Variants in SBF2 observed in about 807,000 individuals in gnomAD.
The protein encoded by SBF2 is myotubularin-related protein 13.
A neutral mutation model predicts 225.2 loss-of-function variants in SBF2; 112 were observed. That is an observed-to-expected ratio of 0.50 (90% CI 0.43 to 0.58). The LOEUF (loss-of-function observed/expected upper bound fraction) is 0.58. Among genes scored for constraint, SBF2 ranks in the 20% least tolerant of loss-of-function variants. SBF2 has a pLI of 0.00. For synonymous variants in SBF2, 763 were observed against 773.3 expected, an observed-to-expected ratio of 0.99 and a Z score of 0.22; for missense variants, 1,996 against 2,206.2, an observed-to-expected ratio of 0.90 and a Z score of 1.91.
intron 32 of SBF2, among the ~76,000 whole-genome samples, chr11:9,799,263 A>G (rs1853338331): frequency 6.6e-6 from 1 of 152,178 alleles, no homozygotes; most frequent in South Asian, 2.1e-4. Flanking sequence ...TGGCCTCACC[A>G]CAAGCCCTCT....
chr11:10,301,807 A>G (rs73420937), intron 1 of SBF2, among the ~76,000 whole-genome samples: 53 of 152,320 alleles, frequency 3.5e-4, no homozygotes, highest in African/African-American at 1.1e-3. Flanking sequence ...AAATCATTCA[A>G]TTGGAATGTG....
intron 2 of SBF2, among the ~76,000 whole-genome samples, chr11:10,118,978 T>C (rs954043796): frequency 3.3e-5 from 5 of 150,484 alleles, no homozygotes; most frequent in African/African-American, 4.9e-5. Flanking sequence ...TAAAGTCACA[T>C]CTGCAGGAAA....
At chr11:9,806,767 T>C (rs1853876279) in intron 32 of SBF2, among the ~76,000 whole-genome samples, 1 of 152,220 alleles carries the variant, frequency 6.6e-6, no homozygotes, top group South Asian at 2.1e-4. Flanking sequence ...GGAAAGTCAC[T>C]GCTCATGAGT....
intron 21 of SBF2, 101 bp from the exon 22 acceptor site, chr11:9,850,319 A>C (rs1246047599): frequency 1.9e-6 from 2 of 1,076,612 alleles, no homozygotes; most frequent in African/African-American, 3.1e-5. Flanking sequence ...ACAGTAGTGC[A>C]ATCATAGTTC....
intron 26 of SBF2, chr11:9,839,239 C>G: frequency 2.1e-6 from 1 of 474,498 alleles, no homozygotes; most frequent in East Asian, 4.2e-5. Flanking sequence ...AGAAAAGAAG[C>G]AAACTGGGAA....
chr11:10,223,386 C>A (rs1291716209), intron 1 of SBF2, among the ~76,000 whole-genome samples: 2 of 116,676 alleles, frequency 1.7e-5, no homozygotes, highest in Non-Finnish European at 3.5e-5. Context: ...ATAAACAACA[C>A]ATATTTTGCA....
rs912377782 is a variant in SBF2 at position 10,239,669 on chromosome 11, A to T, written c.56-45682T>A. On this transcript the variant is annotated intron_variant, in intron 1 of 39. Coordinates refer to ENST00000256190, the MANE Select transcript of SBF2 (RefSeq NM_030962.4). ...CATTTTGAAAAACTGCACATAAAATAAAAATACCAACTAATGATCATTAAT... is the reference window on the plus strand; with the variant it reads ...CATTTTGAAAAACTGCACATAAAATTAAAATACCAACTAATGATCATTAAT... 5.0e-5 allele frequency among the ~76,000 whole-genome samples: 7 copies of T among 139,802 alleles called. 1 individual carries two copies. The highest frequency in any genetic ancestry group is 9.8e-5 in the Non-Finnish European group (6 of 61,078). 91.7% of individuals were successfully genotyped at this position (139,802 alleles called of 152,430 possible).
chr11:9,907,136 AC>A (rs1331721652), intron 16 of SBF2, among the ~76,000 whole-genome samples: 1 of 152,204 alleles, frequency 6.6e-6, no homozygotes, highest in Non-Finnish European at 1.5e-5. Context: ...CTACATAAGG[AC>A]AAAAATTAAA....
chr11:9,929,182 A>C, intron 16 of SBF2: 1 of 199,612 alleles, frequency 5.0e-6, no homozygotes, highest in Non-Finnish European at 1.0e-5. Flanking sequence ...ACCATTGACC[A>C]TTCTATGGTC....
chr11:10,277,921 T>A (rs1459375702), intron 1 of SBF2, among the ~76,000 whole-genome samples: 2 of 152,212 alleles, frequency 1.3e-5, no homozygotes, highest in African/African-American at 4.8e-5. Context: ...GAGAATGGTG[T>A]TTGTTTTAAA....
At position 10,042,929 on chromosome 11, in the gene SBF2, A is replaced by AAC. The variant is rs1949709115; in HGVS notation, c.192_193dup (p.Phe65CysfsTer7). 3.1e-6 allele frequency: 5 copies of AAC among 1,614,046 alleles called. No homozygotes were observed. Among genetic ancestry groups the AAC allele is most frequent in the Non-Finnish European group, 3.4e-6 (4 of 1,179,922 alleles). Reference sequence around the variant, plus strand: ...AATGTCTGTCAGGACAACCACAAAGAACGTTGGCTGCTTCCTCTCTCTGGA... The same window carrying AAC: ...AATGTCTGTCAGGACAACCACAAAGAACACGTTGGCTGCTTCCTCTCTCTGGA... On this transcript the variant is annotated frameshift_variant, in exon 3 of 40. Coordinates refer to ENST00000256190, the MANE Select transcript of SBF2 (RefSeq NM_030962.4). LOFTEE classifies it high-confidence loss of function.
At chr11:10,254,900 CAAAAAAAAAAAAAAAAAAAAAAAAAA>C (rs71034757) in intron 1 of SBF2, among the ~76,000 whole-genome samples, 4 of 44,056 alleles carry the variant, frequency 9.1e-5, no homozygotes, top group African/African-American at 3.8e-4. Flanking sequence ...GACTCTGTCT[CAAAAAAAAAAAAAAAAAAAAAAAAAA>C]AAAAAAAAAA....
chr11:9,852,202 G>A (rs1857007674), intron 21 of SBF2, among the ~76,000 whole-genome samples: 1 of 152,226 alleles, frequency 6.6e-6, no homozygotes, highest in Non-Finnish European at 1.5e-5. Context: ...TCCCAGACAT[G>A]TTCTGGGGTA....
chr11:9,827,995 T>C (rs1590169663), intron 28 of SBF2: 9 of 432,894 alleles, frequency 2.1e-5, no homozygotes, highest in South Asian at 1.8e-4. Flanking sequence ...CATTTGACCA[T>C]TCATTCAGAA....
At chr11:10,268,936 T>C (rs1962237562) in intron 1 of SBF2, among the ~76,000 whole-genome samples, 2 of 152,182 alleles carry the variant, frequency 1.3e-5, no homozygotes, top group African/African-American at 4.8e-5. Context: ...ACCAGCCCCT[T>C]AGCATCTTCG....
intron 17 of SBF2, among the ~76,000 whole-genome samples, chr11:9,880,101 AAAAAAAAAAAG>A (rs750751048): frequency 0.088 from 13,041 of 148,838 alleles, 654 homozygotes; most frequent in East Asian, 0.18. Flanking sequence ...AAAAAAAAAA[AAAAAAAAAAAG>A]ATCTCAGGAT....
At chr11:10,033,555 T>C (rs181521490) in intron 3 of SBF2, among the ~76,000 whole-genome samples, 1 of 152,232 alleles carries the variant, frequency 6.6e-6, no homozygotes, top group African/African-American at 2.4e-5. Flanking sequence ...AATCCTAAAA[T>C]ATTCTTAGTT....
At chr11:9,874,366 C>T (rs995573150) in intron 17 of SBF2, among the ~76,000 whole-genome samples, 2 of 152,070 alleles carry the variant, frequency 1.3e-5, no homozygotes, top group Non-Finnish European at 2.9e-5. Context: ...TCCTTAGTTT[C>T]TATCTACTCA....
intron 32 of SBF2, among the ~76,000 whole-genome samples, chr11:9,801,117 T>A (rs1853468214): frequency 6.6e-6 from 1 of 152,358 alleles, no homozygotes; most frequent in South Asian, 2.1e-4. Flanking sequence ...AAATTAATTC[T>A]ATGTCAGCAT....
Sources: allele counts gnomAD v4.1 joint callset (sites outside exome capture counted in the v4.1 genomes callset), GRCh38; gene constraint gnomAD v4.1.1; transcripts MANE v1.5; gene names NCBI Gene and HGNC (gene_info 2026-07-23, HGNC 2026-07-21).